Variants in PARD3 observed in about 807,000 individuals in gnomAD.
PARD3 encodes the protein par-3 family cell polarity regulator, also known as partitioning defective 3 homolog.
Under a neutral mutation model 155.4 loss-of-function variants are expected in PARD3, and 75 were observed. That is an observed-to-expected ratio of 0.48 (90% CI 0.40 to 0.58). The LOEUF is 0.58. Ranked by LOEUF, PARD3 falls within the 20% of genes least tolerant of loss-of-function variation. The probability of loss-of-function intolerance (pLI) is 0.00; values close to 1 mark genes in which losing one functional copy is unlikely to be tolerated. For synonymous variants in PARD3, 576 were observed against 610.5 expected (o/e 0.94, Z 0.83); for missense variants, 1,642 against 1,721.7 (o/e 0.95, Z 0.82).
At chr10:34,164,242 A>AG (rs1949419100) in intron 22 of PARD3, among the ~76,000 whole-genome samples, 1 of 152,202 alleles carries the variant, frequency 6.6e-6, no homozygotes, top group Non-Finnish European at 1.5e-5. Flanking sequence ...TGAATAGGAA[A>AG]GTTTGTTTAT....
At chr10:34,155,632 CT>C (rs1176236332) in intron 22 of PARD3, among the ~76,000 whole-genome samples, 1 of 149,072 alleles carries the variant, frequency 6.7e-6, no homozygotes, top group Non-Finnish European at 1.5e-5. Context: ...GCTTTTTTTT[CT>C]TTCATCATCT....
chr10:34,404,600 G>GTT (rs147177047), intron 5 of PARD3, among the ~76,000 whole-genome samples: 2 of 147,058 alleles, frequency 1.4e-5, no homozygotes, highest in Non-Finnish European at 3.0e-5. Flanking sequence ...ACAGCCATTT[G>GTT]TTTTTTTTTT....
chr10:34,682,885 A>T (rs1450676240), intron 2 of PARD3, among the ~76,000 whole-genome samples: 1 of 152,158 alleles, frequency 6.6e-6, no homozygotes, highest in Non-Finnish European at 1.5e-5. Context: ...AAAACAAAAC[A>T]AAACAAAATA....
intron 10 of PARD3, among the ~76,000 whole-genome samples, chr10:34,376,330 A>G (rs1841234051): frequency 3.3e-5 from 5 of 152,360 alleles, no homozygotes; most frequent in African/African-American, 1.2e-4. Flanking sequence ...TGTTGAAAGT[A>G]AAGCGATTAT....
chr10:34,326,781 G>A (rs1041748322), intron 19 of PARD3, among the ~76,000 whole-genome samples: 1 of 152,044 alleles, frequency 6.6e-6, no homozygotes, highest in Non-Finnish European at 1.5e-5. Context: ...GTGTATTCTG[G>A]AGCAGTGCTT....
intron 2 of PARD3, among the ~76,000 whole-genome samples, chr10:34,610,028 A>G (rs963275216): frequency 2.6e-5 from 4 of 152,226 alleles, no homozygotes; most frequent in African/African-American, 9.6e-5. Context: ...CAACTGTTTC[A>G]AAGTTCAGAA....
intron 1 of PARD3, among the ~76,000 whole-genome samples, chr10:34,805,165 G>A (rs1455101140): frequency 6.6e-6 from 1 of 152,152 alleles, no homozygotes; most frequent in Non-Finnish European, 1.5e-5. Context: ...AGACCAGCCT[G>A]GCCAACATTG....
intron 5 of PARD3, among the ~76,000 whole-genome samples, chr10:34,424,116 A>G (rs145860293): frequency 1.6e-4 from 24 of 152,356 alleles, no homozygotes; most frequent in South Asian, 4.1e-4. Context: ...CTAATATAAT[A>G]TAATACAAAC....
chr10:34,181,157 G>C (rs1367653792), intron 22 of PARD3, among the ~76,000 whole-genome samples: 2 of 152,062 alleles, frequency 1.3e-5, no homozygotes, highest in African/African-American at 4.8e-5. Context: ...AAATATTCCT[G>C]GCTTACACCT....
intron 4 of PARD3, among the ~76,000 whole-genome samples, chr10:34,462,438 T>G (rs1327870639): frequency 6.6e-6 from 1 of 152,148 alleles, no homozygotes; most frequent in East Asian, 1.9e-4. Flanking sequence ...GGGAAAAAAA[T>G]AAAATAAACT....
At chr10:34,223,052 G>A (rs1952392831) in intron 22 of PARD3, among the ~76,000 whole-genome samples, 1 of 152,160 alleles carries the variant, frequency 6.6e-6, no homozygotes, top group Admixed American at 6.6e-5. Flanking sequence ...TCTGTGTTCG[G>A]TAAGTCCCAC....
At chr10:34,523,966 G>C (rs968082998) in intron 2 of PARD3, among the ~76,000 whole-genome samples, 6 of 151,906 alleles carry the variant, frequency 3.9e-5, no homozygotes, top group African/African-American at 1.5e-4. Flanking sequence ...TTATAAATTA[G>C]ATCAAGTATT....
intron 19 of PARD3, among the ~76,000 whole-genome samples, chr10:34,318,195 T>C (rs1958135986): frequency 6.6e-6 from 1 of 152,196 alleles, no homozygotes; most frequent in African/African-American, 2.4e-5. Context: ...GACAAGTAAC[T>C]GAAGTAAGTC....
intron 5 of PARD3, among the ~76,000 whole-genome samples, chr10:34,418,799 CTTT>C (rs1845914928): frequency 1.3e-5 from 2 of 152,026 alleles, no homozygotes; most frequent in South Asian, 4.2e-4. Context: ...GAGACAGGGT[CTTT>C]CTCTGTCACT....
At chr10:34,256,260 T>C (rs1588956209) in intron 22 of PARD3, among the ~76,000 whole-genome samples, 2 of 152,246 alleles carry the variant, frequency 1.3e-5, no homozygotes, top group East Asian at 3.8e-4. Context: ...CATCAGGGAA[T>C]CCTCTGGCCT....
intron 14 of PARD3, among the ~76,000 whole-genome samples, chr10:34,356,867 T>C (rs556824785): frequency 6.6e-6 from 1 of 152,338 alleles, no homozygotes; most frequent in South Asian, 2.1e-4. Flanking sequence ...AGCACAGCAC[T>C]CATAAGATTT....
chr10:34,395,079 G>C (rs1490567024), intron 7 of PARD3, among the ~76,000 whole-genome samples: 1 of 152,050 alleles, frequency 6.6e-6, no homozygotes, highest in Non-Finnish European at 1.5e-5. Context: ...CTGTCACCTA[G>C]GCTGGAGTGC....
At chr10:34,609,621 T>C (rs7098206) in intron 2 of PARD3, among the ~76,000 whole-genome samples, 42,574 of 152,104 alleles carry the variant, frequency 0.28, 6,379 homozygotes, top group East Asian at 0.42. Context: ...TAGCTCGCTG[T>C]ATTCCTGAAC....
At chr10:34,604,611 A>G (rs2090072173) in intron 2 of PARD3, among the ~76,000 whole-genome samples, 1 of 148,250 alleles carries the variant, frequency 6.7e-6, no homozygotes, top group Non-Finnish European at 1.5e-5. Context: ...ATAAAGATAT[A>G]TATGATACAT....
Sources: gnomAD v4.1 joint callset for allele counts (sites outside exome capture counted in the v4.1 genomes callset) on GRCh38, gnomAD v4.1.1 for gene constraint, MANE v1.5 for transcripts, NCBI Gene and HGNC (gene_info 2026-07-23, HGNC 2026-07-21) for gene names.